The following KANSL1 variants were observed in gnomAD, a reference collection of about 807,000 sequenced individuals.
The protein encoded by KANSL1 is MLL1/MLL complex subunit KANSL1.
Under a neutral mutation model 103.6 loss-of-function variants are expected in KANSL1, and 22 were observed. The observed-to-expected ratio is 0.21, with a 90% confidence interval of 0.15 to 0.30. KANSL1 has a LOEUF of 0.30. KANSL1 is among the 10% of genes least tolerant of loss of function. The pLI is 1.00. For synonymous variants in KANSL1, 600 were observed against 527.6 expected, an observed-to-expected ratio of 1.14 and a Z score of -1.88; for missense variants, 1,337 against 1,399.8, an observed-to-expected ratio of 0.96 and a Z score of 0.72.
intron 2 of KANSL1, among the ~76,000 whole-genome samples, chr17:46,167,114 ACTG>A (rs921823880): frequency 6.6e-6 from 1 of 152,014 alleles, no homozygotes; most frequent in East Asian, 1.9e-4. Context: ...TACCCAGAAC[ACTG>A]CTGATTTAAG....
At chr17:46,072,726 T>C (rs906733000) in intron 4 of KANSL1, among the ~76,000 whole-genome samples, 1 of 152,204 alleles carries the variant, frequency 6.6e-6, no homozygotes, top group Non-Finnish European at 1.5e-5. Context: ...TTTCTGCCTA[T>C]GTGGGGCTAT....
chr17:46,109,422 T>C (rs1016785208), intron 2 of KANSL1, among the ~76,000 whole-genome samples: 12 of 152,210 alleles, frequency 7.9e-5, no homozygotes, highest in African/African-American at 2.7e-4. Context: ...ACGTGTAAGA[T>C]AGTTAAGTTT....
Position 46,067,654 on chromosome 17 carries a change from G to A in KANSL1, c.1547C>T (p.Ser516Phe). ...HGTDKLIESV[S>F]QPLENHGAPI... ...GGCACCATGGTTTTCCAATGGCTGA[G>A]AAACAGACTCAATCTGATTAAGAAA... is the stretch of plus-strand genomic sequence containing the variant. The change falls in exon 5 of 15, where the codon TCT (serine) becomes TTT (phenylalanine). Residue 516 changes from serine (S) to phenylalanine (F), a missense_variant. Coordinates refer to ENST00000432791, the MANE Select transcript of KANSL1 (RefSeq NM_015443.4). 6.5e-7 allele frequency: 1 copy of A among 1,543,978 alleles called. No individual in the cohort carries two copies. The highest frequency in any genetic ancestry group is 9.0e-7 in the Non-Finnish European group (1 of 1,116,276).
At chr17:46,096,461 C>G (rs1184122297) in intron 2 of KANSL1, among the ~76,000 whole-genome samples, 1 of 151,820 alleles carries the variant, frequency 6.6e-6, no homozygotes, top group Non-Finnish European at 1.5e-5. Context: ...GCTGGGATTA[C>G]AGGCATGCGC....
At chr17:46,127,451 C>A (rs1289907756) in intron 2 of KANSL1, among the ~76,000 whole-genome samples, 1 of 152,202 alleles carries the variant, frequency 6.6e-6, no homozygotes, top group African/African-American at 2.4e-5. Context: ...CCAGATCCCG[C>A]TCCGGCAACA....
chr17:46,038,542 G>A lies in KANSL1; in HGVS notation c.2537C>T (p.Thr846Ile), dbSNP rs1424790679. 7 of 1,613,922 alleles carry A rather than the reference G, an allele frequency of 4.3e-6. No homozygotes were observed. The highest frequency in any genetic ancestry group is 1.7e-5 in the Admixed American group (1 of 59,994). Residue 846 changes from threonine to isoleucine, a missense_variant, in exon 10 of 15, where the codon ACA becomes ATA. By Grantham distance (89) the Thr-to-Ile change is moderately conservative. Transcript: ENST00000432791. Reference sequence around the variant, plus strand: ...CAACCCCACACAGGTACTTACCGATGTGCTGGCTGTAACCTGTGAGCTAGA... The same window carrying A: ...CAACCCCACACAGGTACTTACCGATATGCTGGCTGTAACCTGTGAGCTAGA... ...ASSSSQVTAS[T>I]SQQPVRRRRG...
chr17:46,108,211 C>T (rs1247491353), intron 2 of KANSL1, among the ~76,000 whole-genome samples: 2 of 152,224 alleles, frequency 1.3e-5, no homozygotes, highest in Non-Finnish European at 2.9e-5. Context: ...AACAGAGAGC[C>T]TCTATCACCC....
At chr17:46,140,921 T>C (rs1365881389) in intron 2 of KANSL1, among the ~76,000 whole-genome samples, 4 of 152,198 alleles carry the variant, frequency 2.6e-5, no homozygotes, top group African/African-American at 4.8e-5. Context: ...ATATCGCTCA[T>C]GGTAATACAA....
chr17:46,148,380 C>T (rs1479427209), intron 2 of KANSL1: 1 of 152,188 alleles, frequency 6.6e-6, no homozygotes, highest in African/African-American at 2.4e-5. Context: ...ACATATATAA[C>T]TATCACCTGG....
chr17:46,190,543 G>C (rs989169103), intron 1 of KANSL1, among the ~76,000 whole-genome samples: 1 of 152,180 alleles, frequency 6.6e-6, no homozygotes, highest in African/African-American at 2.4e-5. Flanking sequence ...TACCATAAAG[G>C]CTCTAATAAT....
intron 2 of KANSL1, among the ~76,000 whole-genome samples, chr17:46,125,112 G>A (rs1598689298): frequency 8.7e-6 from 1 of 114,998 alleles, no homozygotes; most frequent in Admixed American, 8.9e-5. Context: ...GAGGGAGGGA[G>A]GGAGGGAGGG....
At chr17:46,183,575 G>C (rs996879495) in intron 1 of KANSL1, among the ~76,000 whole-genome samples, 1 of 150,758 alleles carries the variant, frequency 6.6e-6, no homozygotes, top group African/African-American at 2.4e-5. Context: ...GGAGAGAGGA[G>C]AGAGGAGAGA....
At chr17:46,128,028 T>A (rs1043978863) in intron 2 of KANSL1, among the ~76,000 whole-genome samples, 4 of 152,072 alleles carry the variant, frequency 2.6e-5, no homozygotes, top group Non-Finnish European at 5.9e-5. Context: ...ATTGCCCAGG[T>A]GGATCTCAAA....
chr17:46,079,496 G>T (rs1274033815), intron 4 of KANSL1, among the ~76,000 whole-genome samples: 1 of 152,130 alleles, frequency 6.6e-6, no homozygotes, highest in African/African-American at 2.4e-5. Context: ...GTTAAAGTTG[G>T]TTTGCATCTT....
At chr17:46,143,903 C>G (rs932801247) in intron 2 of KANSL1, among the ~76,000 whole-genome samples, 3 of 151,214 alleles carry the variant, frequency 2.0e-5, no homozygotes, top group Non-Finnish European at 4.4e-5. Flanking sequence ...CCGAGGACCA[C>G]AGAGCTAGTA....
intron 10 of KANSL1, chr17:46,037,534 A>T (rs2077185534): frequency 6.6e-6 from 1 of 152,236 alleles, no homozygotes; most frequent in South Asian, 2.1e-4. Flanking sequence ...TAGCCTGTGT[A>T]GTGTAATGGT....
intron 2 of KANSL1, among the ~76,000 whole-genome samples, chr17:46,141,732 A>G (rs1260934977): frequency 6.6e-6 from 1 of 152,260 alleles, no homozygotes; most frequent in Non-Finnish European, 1.5e-5. Context: ...GTTAACCTGT[A>G]TGTCTTATGC....
At chr17:46,190,983 A>C (rs1294277947) in intron 1 of KANSL1, among the ~76,000 whole-genome samples, 1 of 152,240 alleles carries the variant, frequency 6.6e-6, no homozygotes, top group Non-Finnish European at 1.5e-5. Flanking sequence ...TTGACAATGT[A>C]CATGGTAAAT....
At chr17:46,129,154 G>A (rs1297244165) in intron 2 of KANSL1, among the ~76,000 whole-genome samples, 1 of 152,100 alleles carries the variant, frequency 6.6e-6, no homozygotes, top group Non-Finnish European at 1.5e-5. Flanking sequence ...GAAAGCAAGG[G>A]CCATGTTTGT....
Sources: allele counts gnomAD v4.1 joint callset (sites outside exome capture counted in the v4.1 genomes callset), GRCh38; gene constraint gnomAD v4.1.1; transcripts MANE v1.5; gene names NCBI Gene and HGNC (gene_info 2026-07-23, HGNC 2026-07-21).